The following OLA1 variants were observed in gnomAD, a reference collection of about 807,000 sequenced individuals.
OLA1 encodes obg-like ATPase 1.
Under a neutral mutation model 48.4 loss-of-function variants are expected in OLA1, and 14 were observed. The ratio of observed to expected loss-of-function variants is 0.29; its 90% CI spans 0.19 to 0.45. The LOEUF (loss-of-function observed/expected upper bound fraction) is 0.45. OLA1 is among the 20% of genes least tolerant of loss of function. OLA1 has a pLI of 1.00. For missense variants in OLA1, 325 were observed against 467.1 expected, an observed-to-expected ratio of 0.70 and a Z score of 2.80; for synonymous variants, 127 against 150.4, an observed-to-expected ratio of 0.84 and a Z score of 1.14.
chr2:174,106,911 G>C (rs1437364114), intron 7 of OLA1, among the ~76,000 whole-genome samples: 4 of 152,226 alleles, frequency 2.6e-5, no homozygotes, highest in Admixed American at 1.3e-4. Flanking sequence ...TTTGCTGCTG[G>C]AAAGTCACAG....
At chr2:174,100,780 C>A (rs1369664272) in intron 7 of OLA1, among the ~76,000 whole-genome samples, 1 of 152,184 alleles carries the variant, frequency 6.6e-6, no homozygotes, top group Non-Finnish European at 1.5e-5. Flanking sequence ...TATCCCCCCA[C>A]AAAGATATGG....
intron 5 of OLA1, among the ~76,000 whole-genome samples, chr2:174,123,940 C>G (rs1487193535): frequency 6.6e-6 from 1 of 151,996 alleles, no homozygotes; most frequent in Non-Finnish European, 1.5e-5. Flanking sequence ...TCAATTACAT[C>G]AAAGACTAAT....
At chr2:174,146,931 T>G (rs1044049381) in intron 4 of OLA1, among the ~76,000 whole-genome samples, 1 of 152,156 alleles carries the variant, frequency 6.6e-6, no homozygotes. Context: ...GGTGGCCTAC[T>G]TAGAAATCAT....
chr2:174,137,804 G>A (rs1381971162), intron 5 of OLA1, among the ~76,000 whole-genome samples: 1 of 152,140 alleles, frequency 6.6e-6, no homozygotes, highest in Non-Finnish European at 1.5e-5. Flanking sequence ...ACCTTGCTCT[G>A]GAATAGTCCT....
intron 5 of OLA1, among the ~76,000 whole-genome samples, chr2:174,127,193 T>C (rs1686064627): frequency 6.6e-6 from 1 of 152,214 alleles, no homozygotes; most frequent in Non-Finnish European, 1.5e-5. Context: ...CCATAGCTAG[T>C]AAGTGGCAGA....
intron 7 of OLA1, among the ~76,000 whole-genome samples, chr2:174,100,071 T>C (rs1685355980): frequency 6.6e-6 from 1 of 152,212 alleles, no homozygotes; most frequent in Non-Finnish European, 1.5e-5. Context: ...GTTTAATGTA[T>C]CTTATTTTTT....
At chr2:174,190,901 C>G (rs114205838) in intron 4 of OLA1, among the ~76,000 whole-genome samples, 19,050 of 140,106 alleles carry the variant, frequency 0.14, 1,693 homozygotes, top group Non-Finnish European at 0.2. Context: ...GCCGAGATTG[C>G]GCCACTGTAC....
intron 4 of OLA1, among the ~76,000 whole-genome samples, chr2:174,222,150 C>A (rs147241935): frequency 3.7e-4 from 56 of 152,182 alleles, no homozygotes; most frequent in African/African-American, 1.2e-3. Flanking sequence ...GCAAACAAAT[C>A]TTTTTTCTAG....
At chr2:174,241,199 T>C (rs1041908422) in intron 2 of OLA1, among the ~76,000 whole-genome samples, 6 of 152,198 alleles carry the variant, frequency 3.9e-5, no homozygotes, top group Admixed American at 3.3e-4. Context: ...AAAATGGCCA[T>C]CTTGGATCTT....
At chr2:174,184,426 T>C (rs565621610) in intron 4 of OLA1, among the ~76,000 whole-genome samples, 48 of 152,276 alleles carry the variant, frequency 3.2e-4, no homozygotes, top group African/African-American at 1.1e-3. Flanking sequence ...ATATAAGGAA[T>C]AGACTATAAA....
At chr2:174,172,176 G>A (rs1284510990) in intron 4 of OLA1, 4 of 218,238 alleles carry the variant, frequency 1.8e-5, no homozygotes, top group Non-Finnish European at 4.0e-5. Flanking sequence ...TGTGGCGTTT[G>A]ATGTTGAAGG....
chr2:174,123,399 T>C, intron 6 of OLA1, 122 bp from the exon 7 acceptor site: 1 of 612,974 alleles, frequency 1.6e-6, no homozygotes, highest in Non-Finnish European at 2.7e-6. Flanking sequence ...TTATAATTCT[T>C]CTTTCCAAAA....
At chr2:174,176,765 A>G (rs1687430635) in intron 4 of OLA1, among the ~76,000 whole-genome samples, 1 of 152,206 alleles carries the variant, frequency 6.6e-6, no homozygotes, top group South Asian at 2.1e-4. Context: ...ATTAAAATAA[A>G]GTAAACAATG....
intron 4 of OLA1, among the ~76,000 whole-genome samples, chr2:174,201,235 A>C (rs1223449758): frequency 6.6e-6 from 1 of 152,246 alleles, no homozygotes; most frequent in Non-Finnish European, 1.5e-5. Flanking sequence ...AAAAATGCAC[A>C]CAACATACAA....
intron 5 of OLA1, among the ~76,000 whole-genome samples, chr2:174,133,356 A>G (rs1236265446): frequency 1.3e-5 from 2 of 152,052 alleles, no homozygotes; most frequent in African/African-American, 2.4e-5. Flanking sequence ...TTGTTTTGAC[A>G]TACAATATTT....
Position 174,075,439 on chromosome 2 carries a change from G to A in OLA1, c.1178C>T (p.Pro393Leu), listed in dbSNP as rs772391571. The A allele has an allele frequency of 5.7e-6, 9 of 1,577,434 alleles. No individual in the cohort carries two copies. The highest frequency in any genetic ancestry group is 2.2e-5 in the South Asian group (2 of 89,966). The change falls in exon 11 of 11, where the codon CCG becomes CTG. Residue 393 changes from proline (P) to leucine (L), a missense_variant. Transcript: ENST00000284719. The stretch of plus-strand genomic sequence containing the variant: ...AATAACTAAATTTTATTTCTTCTTC[G>A]GTTGTTGAGGTGTGTTAAATTTGAA... ...IFFKFNTPQQ[P>L]KKK
At chr2:174,225,101 T>C (rs1378492180) in intron 3 of OLA1, among the ~76,000 whole-genome samples, 1 of 152,192 alleles carries the variant, frequency 6.6e-6, no homozygotes, top group Non-Finnish European at 1.5e-5. Flanking sequence ...CATGAATGGC[T>C]TGGTGCCCTC....
At chr2:174,213,888 C>T (rs1688303274) in intron 4 of OLA1, among the ~76,000 whole-genome samples, 1 of 151,916 alleles carries the variant, frequency 6.6e-6, no homozygotes, top group South Asian at 2.1e-4. Context: ...TACTTAATGC[C>T]ACTGAACTCT....
chr2:174,242,199 G>A (rs1689018724), intron 2 of OLA1, among the ~76,000 whole-genome samples: 1 of 152,216 alleles, frequency 6.6e-6, no homozygotes, highest in Non-Finnish European at 1.5e-5. Context: ...TGAATTGGCT[G>A]ATGGAAGCCA....
Sources: allele counts gnomAD v4.1 joint callset (sites outside exome capture counted in the v4.1 genomes callset), GRCh38; gene constraint gnomAD v4.1.1; transcripts MANE v1.5; gene names NCBI Gene and HGNC (gene_info 2026-07-23, HGNC 2026-07-21).